Variants in STEAP1B observed in about 807,000 individuals in gnomAD.
STEAP1B encodes the protein STEAP family protein MGC87042.
In STEAP1B, 13 loss-of-function variants were observed where a neutral mutation model predicts 27.9. The ratio of observed to expected loss-of-function variants is 0.47; its 90% CI spans 0.30 to 0.74. The LOEUF (loss-of-function observed/expected upper bound fraction) is 0.74. Among genes scored for constraint, STEAP1B ranks in the 30% least tolerant of loss-of-function variants. The pLI, the probability that STEAP1B is intolerant of heterozygous loss-of-function variation, is 0.06. For missense variants in STEAP1B, 250 were observed against 298.7 expected, an observed-to-expected ratio of 0.84 and a Z score of 1.20; for synonymous variants, 86 against 107.1, an observed-to-expected ratio of 0.80 and a Z score of 1.22.
At chr7:22,463,210 T>G (rs1562576010) in intron 4 of STEAP1B, among the ~76,000 whole-genome samples, 2 of 151,634 alleles carry the variant, frequency 1.3e-5, no homozygotes, top group African/African-American at 4.9e-5. Flanking sequence ...TCACAATTGC[T>G]TCAAAGAGAA....
chr7:22,484,910 G>C (rs572029955), intron 4 of STEAP1B, among the ~76,000 whole-genome samples: 24 of 152,350 alleles, frequency 1.6e-4, no homozygotes, highest in African/African-American at 5.8e-4. Flanking sequence ...TATAGAAATA[G>C]CAGCAAGAGA....
At chr7:22,475,005 T>C (rs1350264999) in intron 4 of STEAP1B, among the ~76,000 whole-genome samples, 2 of 152,248 alleles carry the variant, frequency 1.3e-5, no homozygotes, top group Non-Finnish European at 1.5e-5. Flanking sequence ...CTGATATATT[T>C]GGAAGATCAG....
At chr7:22,434,910 C>A (rs981915057) in intron 4 of STEAP1B, among the ~76,000 whole-genome samples, 1 of 152,160 alleles carries the variant, frequency 6.6e-6, no homozygotes, top group Non-Finnish European at 1.5e-5. Flanking sequence ...ATATTCTCAG[C>A]CCAAATCATT....
intron 4 of STEAP1B, chr7:22,438,623 T>A: frequency 6.4e-7 from 1 of 1,552,182 alleles, no homozygotes. Flanking sequence ...TAACTCCTAG[T>A]CTTGGAAGGT....
In STEAP1B at chr7:22,438,539, C is replaced by T. The variant is rs548788126; in HGVS notation, c.763-18703G>A. The T allele has an allele frequency of 4.6e-5, 71 of 1,551,820 alleles. No homozygotes were observed. In the South Asian group the frequency reaches 8.1e-4, roughly 18 times the overall value. On this transcript the variant is annotated intron_variant, in intron 4 of 4. Transcript: ENST00000678116. ...AACTTGTCTTTTTTATTGAGATTTT[C>T]TAGATGAAGCTGAAACATGTGAGAG...
At chr7:22,431,535 G>GT (rs1196311495) in intron 4 of STEAP1B, among the ~76,000 whole-genome samples, 1 of 152,232 alleles carries the variant, frequency 6.6e-6, no homozygotes, top group East Asian at 1.9e-4. Flanking sequence ...TGCTTATGGA[G>GT]TGAGGTCTCC....
chr7:22,419,735 G>T lies in STEAP1B; in HGVS notation c.*69C>A. On this transcript the variant is annotated 3_prime_UTR_variant, in exon 5 of 5. Coordinates refer to ENST00000678116, the MANE Select transcript of STEAP1B (RefSeq NM_001382447.1). The stretch of plus-strand genomic sequence containing the variant: ...GGGAAAGGGCACTGGGTGGTGTTCT[G>T]CATGAGCAATCCAATGCTGTGCTCC... The T allele has an allele frequency of 1.3e-6, 2 of 1,512,954 alleles. No homozygotes were observed. Among genetic ancestry groups the T allele is most frequent in the Non-Finnish European group, 1.8e-6 (2 of 1,123,628 alleles). 93.7% of individuals were successfully genotyped at this position (1,512,954 alleles called of 1,614,324 possible).
chr7:22,448,393 A>AGATCATTCAAG lies in STEAP1B; in HGVS notation c.763-28558_763-28557insCTTGAATGATC, dbSNP rs544243299. On this transcript the variant is annotated intron_variant, in intron 4 of 4. Transcript: ENST00000678116. The stretch of plus-strand genomic sequence containing the variant: ...TAAAATACATGAATGATCTTTTAAT[A>AGATCATTCAAG]GAACTTTTTTCCTTGAACTCATATT... Among the ~76,000 whole-genome samples, 1,062 of 152,324 alleles carry AGATCATTCAAG rather than the reference A, an allele frequency of 7.0e-3. 12 individuals carry two copies. The highest frequency in any genetic ancestry group is 0.023 in the African/African-American group (974 of 41,570).
intron 4 of STEAP1B, among the ~76,000 whole-genome samples, chr7:22,468,482 T>G (rs1308832678): frequency 6.6e-6 from 1 of 152,194 alleles, no homozygotes; most frequent in African/African-American, 2.4e-5. Flanking sequence ...GAAAATCATT[T>G]GGCAGCTTTT....
intron 4 of STEAP1B, among the ~76,000 whole-genome samples, chr7:22,475,363 A>C (rs1785953384): frequency 6.6e-6 from 1 of 152,166 alleles, no homozygotes; most frequent in Non-Finnish European, 1.5e-5. Flanking sequence ...GCACCTGTCC[A>C]TGTGGGGCCT....
intron 4 of STEAP1B, among the ~76,000 whole-genome samples, chr7:22,462,067 T>C (rs1042752691): frequency 6.6e-6 from 1 of 152,146 alleles, no homozygotes; most frequent in Non-Finnish European, 1.5e-5. Flanking sequence ...TTTCTCACAA[T>C]ACTAAAATTT....
At chr7:22,467,146 G>A (rs1437218854) in intron 4 of STEAP1B, among the ~76,000 whole-genome samples, 2 of 152,160 alleles carry the variant, frequency 1.3e-5, no homozygotes, top group Non-Finnish European at 2.9e-5. Context: ...CCCTTTCTTG[G>A]TTTAGACTTG....
intron 4 of STEAP1B, among the ~76,000 whole-genome samples, chr7:22,440,341 CA>C (rs1204673798): frequency 6.6e-6 from 1 of 152,104 alleles, no homozygotes; most frequent in Non-Finnish European, 1.5e-5. Context: ...TTCAATTTTA[CA>C]ACATTTAACT....
chr7:22,483,579 G>A (rs1465045024), intron 4 of STEAP1B, among the ~76,000 whole-genome samples: 1 of 152,176 alleles, frequency 6.6e-6, no homozygotes, highest in African/African-American at 2.4e-5. Flanking sequence ...CTCACTTCAT[G>A]TCTTGTCGCA....
chr7:22,440,494 A>C (rs919686973), intron 4 of STEAP1B, among the ~76,000 whole-genome samples: 2 of 152,172 alleles, frequency 1.3e-5, no homozygotes, highest in Non-Finnish European at 2.9e-5. Flanking sequence ...AAAGTTATTC[A>C]GGCTGAAATA....
At chr7:22,474,464 G>A (rs568087768) in intron 4 of STEAP1B, among the ~76,000 whole-genome samples, 2 of 152,360 alleles carry the variant, frequency 1.3e-5, no homozygotes, top group Non-Finnish European at 2.9e-5. Flanking sequence ...ACAGTCCTGT[G>A]TAATTTCTAT....
rs11385360 is a variant in STEAP1B, at chr7:22,433,138, C to CA, written c.763-13303dup. Among the ~76,000 whole-genome samples, 126 of 150,782 alleles carry CA rather than the reference C, an allele frequency of 8.4e-4. 1 individual carries two copies. Among genetic ancestry groups the CA allele is most frequent in the Admixed American group, 6.6e-4 (10 of 15,164 alleles). ...ACAGAACCTAAATGAGTTATTTCAC[C>CA]AAAAAAAAACAAAACAAAACCCAAA... On this transcript the variant is annotated intron_variant, in intron 4 of 4. Coordinates refer to ENST00000678116, the MANE Select transcript of STEAP1B (RefSeq NM_001382447.1).
At chr7:22,467,684 T>C (rs554963984) in intron 4 of STEAP1B, among the ~76,000 whole-genome samples, 14 of 152,320 alleles carry the variant, frequency 9.2e-5, no homozygotes, top group South Asian at 2.1e-4. Context: ...TCTTGTCTGC[T>C]GCCATGTGAG....
chr7:22,472,529 A>C (rs1423289234), intron 4 of STEAP1B, among the ~76,000 whole-genome samples: 1 of 152,268 alleles, frequency 6.6e-6, no homozygotes, highest in Non-Finnish European at 1.5e-5. Context: ...TTAAGTCTTT[A>C]GAAGTTTTAC....
Sources: allele counts gnomAD v4.1 joint callset (sites outside exome capture counted in the v4.1 genomes callset), GRCh38; gene constraint gnomAD v4.1.1; transcripts MANE v1.5; gene names NCBI Gene and HGNC (gene_info 2026-07-23, HGNC 2026-07-21).